The following PTPN1 variants were observed in gnomAD, a reference collection of about 807,000 sequenced individuals.
PTPN1 encodes the protein protein tyrosine phosphatase non-receptor type 1.
A neutral mutation model predicts 59.9 loss-of-function variants in PTPN1; 12 were observed. That is an observed-to-expected ratio of 0.20 (90% confidence interval 0.13 to 0.32). The LOEUF is 0.32. Ranked by LOEUF, PTPN1 falls within the 10% of genes least tolerant of loss-of-function variation. The probability of loss-of-function intolerance (pLI) is 1.00; values close to 1 mark genes in which losing one functional copy is unlikely to be tolerated. For synonymous variants in PTPN1, 178 were observed against 203.6 expected (o/e 0.87, Z 1.07); for missense variants, 356 against 549.2 (o/e 0.65, Z 3.52).
chr20:50,580,955 A>AC (rs2082865253), intron 8 of PTPN1, among the ~76,000 whole-genome samples: 1 of 152,176 alleles, frequency 6.6e-6, no homozygotes, highest in Non-Finnish European at 1.5e-5. Context: ...TAGTGTGTAC[A>AC]CCAGTGAGTC....
intron 1 of PTPN1, among the ~76,000 whole-genome samples, chr20:50,519,080 T>C (rs138198709): frequency 5.0e-4 from 76 of 152,330 alleles, no homozygotes; most frequent in African/African-American, 1.7e-3. Context: ...CAGTATTTTG[T>C]TTGGTCTGTT....
rs1327698806 is a variant in PTPN1 at position 50,583,828 on chromosome 20, G to A, written c.*1113G>A. On this transcript the variant is annotated 3_prime_UTR_variant, in exon 10 of 10. Transcript: ENST00000371621. ...AGCCATATTCACACCTCACGCTCTG[G>A]ACATGATTTAGGGAAGCAGGGACAC... The A allele has an allele frequency of 1.3e-5, 2 of 153,032 alleles. No individual in the cohort carries two copies. Among genetic ancestry groups the A allele is most frequent in the African/African-American group, 4.8e-5 (2 of 41,442 alleles). The allele number at this position is 153,032 out of a possible 1,614,324, so 9.5% of individuals were successfully genotyped here.
chr20:50,517,881 C>T lies in PTPN1; in HGVS notation c.63+7291C>T, dbSNP rs562230676. Among the ~76,000 whole-genome samples the T allele has an allele frequency of 7.2e-5, 11 of 152,288 alleles. No homozygotes were observed. The South Asian group carries it at 2.3e-3, about 32-fold the overall frequency. On this transcript the variant is annotated intron_variant, in intron 1 of 9. Coordinates refer to ENST00000371621, the MANE Select transcript of PTPN1 (RefSeq NM_002827.4). ...TCCCTGTCTCCTTCTCTTTACTTTTCAGATGTTTCTTCCTAGAGACTGAGG... is the reference window on the plus strand; with the variant it reads ...TCCCTGTCTCCTTCTCTTTACTTTTTAGATGTTTCTTCCTAGAGACTGAGG...
chr20:50,516,675 G>C (rs1042232386), intron 1 of PTPN1, among the ~76,000 whole-genome samples: 1 of 152,128 alleles, frequency 6.6e-6, no homozygotes, highest in Non-Finnish European at 1.5e-5. Context: ...GAGTTCATTT[G>C]ACTTGGTAAT....
At position 50,568,401 on chromosome 20, in the gene PTPN1, G is replaced by A. The variant is rs770497491; in HGVS notation, c.277G>A (p.Gly93Ser). 1.9e-6 allele frequency: 3 copies of A among 1,614,044 alleles called. No individual in the cohort carries two copies. Among genetic ancestry groups the A allele is most frequent in the Non-Finnish European group, 2.5e-6 (3 of 1,179,932 alleles). Residue 93 changes from glycine to serine, a missense_variant, in exon 4 of 10, where the codon GGT becomes AGT. Physicochemically the swap from Gly to Ser is moderately conservative, Grantham distance 56 (BLOSUM62 0). Coordinates refer to ENST00000371621, the MANE Select transcript of PTPN1 (RefSeq NM_002827.4). The surrounding 1 kb of genome is among the most constrained non-coding windows in gnomAD (Gnocchi z 5.6). ...LTQGPLPNTC[G>S]HFWEMVWEQK... ...GCAGGGCCCTTTGCCTAACACATGCGGTCACTTTTGGGAGATGGTGTGGGA... is the reference window on the plus strand; with the variant it reads ...GCAGGGCCCTTTGCCTAACACATGCAGTCACTTTTGGGAGATGGTGTGGGA...
At chr20:50,548,357 C>G (rs1041158721) in intron 1 of PTPN1, among the ~76,000 whole-genome samples, 1 of 151,994 alleles carries the variant, frequency 6.6e-6, no homozygotes. Flanking sequence ...TGTTTTTATT[C>G]ATAACATCTT....
Position 50,526,104 on chromosome 20 carries a change from C to T in PTPN1, c.63+15514C>T, listed in dbSNP as rs544340566. ...TAGGGTGTATGTGTGTGTGTGTGCG[C>T]GTGCAGATTCTCTCTTTCACTGTAT... On this transcript the variant is annotated intron_variant, in intron 1 of 9. Coordinates refer to ENST00000371621, the MANE Select transcript of PTPN1 (RefSeq NM_002827.4). 8.5e-5 allele frequency among the ~76,000 whole-genome samples: 13 copies of T among 152,172 alleles called. 1 individual carries two copies. The highest frequency in any genetic ancestry group is 6.8e-3 in the Middle Eastern group (2 of 294).
chr20:50,558,373 T>C (rs2082735202), intron 1 of PTPN1, among the ~76,000 whole-genome samples: 1 of 152,262 alleles, frequency 6.6e-6, no homozygotes. Flanking sequence ...CAAAATGTTA[T>C]TTCAATAAAT....
At chr20:50,524,864 C>CGCACCTGGCCTGGTTACTTAAATTTAA (rs1555827175) in intron 1 of PTPN1, among the ~76,000 whole-genome samples, 1 of 151,976 alleles carries the variant, frequency 6.6e-6, no homozygotes, top group Non-Finnish European at 1.5e-5. Flanking sequence ...CGTGAGCCAC[C>CGCACCTGGCCTGGTTACTTAAATTTAA]ATGCCCAGCC....
At chr20:50,531,540 C>A (rs980201232) in intron 1 of PTPN1, among the ~76,000 whole-genome samples, 2 of 152,160 alleles carry the variant, frequency 1.3e-5, no homozygotes, top group African/African-American at 4.8e-5. Context: ...CCATGCCCAG[C>A]TAATTTTTGT....
chr20:50,560,801 G>A (rs6020601), intron 1 of PTPN1, among the ~76,000 whole-genome samples: 2,620 of 152,132 alleles, frequency 0.017, 28 homozygotes, highest in East Asian at 0.051. Context: ...TGTGATTATC[G>A]TGGAATTTTA....
chr20:50,510,425 T>G lies in PTPN1; in HGVS notation c.-103T>G. On this transcript the variant is annotated 5_prime_UTR_variant, in exon 1 of 10. Transcript: ENST00000371621. The stretch of plus-strand genomic sequence containing the variant: ...GCTAGGGCGGCGGTAGCTGCAGGGG[T>G]CGGGGATTGCAGCGGGCCTCGGGGC... The G allele has an allele frequency of 3.1e-6, 4 of 1,298,644 alleles. No homozygotes were observed. Among genetic ancestry groups the G allele is most frequent in the Non-Finnish European group, 4.2e-6 (4 of 943,206 alleles). The allele number at this position is 1,298,644 out of a possible 1,614,324, so 80.4% of individuals were successfully genotyped here. A position where few individuals can be genotyped will look rare whatever the true frequency, so the allele number is the denominator to read the frequency against.
chr20:50,530,420 G>A (rs943275547), intron 1 of PTPN1, among the ~76,000 whole-genome samples: 34 of 151,644 alleles, frequency 2.2e-4, no homozygotes, highest in African/African-American at 7.5e-4. Context: ...ATGGTGGCGC[G>A]ATCTTGGCTC....
rs2082792893 is a variant in PTPN1, at chr20:50,568,955, A to G, written c.354+477A>G. 6.6e-6 allele frequency among the ~76,000 whole-genome samples: 1 copy of G among 151,900 alleles called. No individual in the cohort carries two copies. The highest frequency in any genetic ancestry group is 1.5e-5 in the Non-Finnish European group (1 of 67,990). On this transcript the variant is annotated intron_variant, in intron 4 of 9. Coordinates refer to ENST00000371621, the MANE Select transcript of PTPN1 (RefSeq NM_002827.4). The surrounding 1 kb of genome is among the most constrained non-coding windows in gnomAD (Gnocchi z 5.6). ...AGTACCTAGACTCTTGCCCTGCCAC[A>G]CCTCTTCGGAGTGAGCATTGACTTC...
At chr20:50,579,395 G>T in intron 7 of PTPN1, 66 bp downstream of exon 7, 1 of 1,543,410 alleles carries the variant, frequency 6.5e-7, no homozygotes. Flanking sequence ...GAAGGAGGCT[G>T]TCAGTTGTAA....
chr20:50,515,624 CA>C (rs1268964284), intron 1 of PTPN1, among the ~76,000 whole-genome samples: 1 of 152,156 alleles, frequency 6.6e-6, no homozygotes, highest in Non-Finnish European at 1.5e-5. Flanking sequence ...GGTCTATCTC[CA>C]ATGGAGCCCA....
chr20:50,537,238 G>A (rs908893707), intron 1 of PTPN1, among the ~76,000 whole-genome samples: 22 of 152,268 alleles, frequency 1.4e-4, no homozygotes, highest in East Asian at 1.2e-3. Flanking sequence ...CAGGAGAATC[G>A]TTTGAACTCC....
In PTPN1 at chr20:50,578,493, C is replaced by G. The variant is rs1568797471; in HGVS notation, c.566C>G (p.Ala189Gly). The change falls in exon 6 of 10, where the codon GCC becomes GGC. Residue 189 changes from alanine to glycine, a missense_variant. Transcript: ENST00000371621. Reference sequence around the variant, plus strand: ...GACTTTGGAGTCCCTGAATCACCAGCCTCATTCTTGAACTTTCTTTTCAAA... The same window carrying G: ...GACTTTGGAGTCCCTGAATCACCAGGCTCATTCTTGAACTTTCTTTTCAAA... The part of the protein sequence containing the change: ...WPDFGVPESP[A>G]SFLNFLFKVR... The G allele has an allele frequency of 6.2e-7, 1 of 1,614,200 alleles. No individual in the cohort carries two copies.
chr20:50,566,758 C>G (rs1171059538), intron 3 of PTPN1, among the ~76,000 whole-genome samples: 1 of 152,130 alleles, frequency 6.6e-6, no homozygotes, highest in Non-Finnish European at 1.5e-5. Flanking sequence ...GGTGCGTGTC[C>G]TTGCAGATCT....
Sources: gnomAD v4.1 joint callset for allele counts (sites outside exome capture counted in the v4.1 genomes callset) on GRCh38, gnomAD v4.1.1 for gene constraint, Gnocchi (gnomAD v3.1) non-coding constraint, MANE v1.5 for transcripts, NCBI Gene and HGNC (gene_info 2026-07-23, HGNC 2026-07-21) for gene names.